CXorf66: variants seen among roughly 807,000 people sequenced by gnomAD.
The protein encoded by CXorf66 is chromosome X open reading frame 66.
Under a neutral mutation model 5.0 loss-of-function variants are expected in CXorf66, and 6 were observed. The observed-to-expected ratio is 1.20, with a 90% confidence interval of 0.65 to 2.36. CXorf66 has a LOEUF of 2.36. Ranked by LOEUF, CXorf66 falls within the 30% of genes most tolerant of loss-of-function variation. The probability of loss-of-function intolerance (pLI) is 0.00; values close to 1 mark genes in which losing one functional copy is unlikely to be tolerated. For synonymous variants in CXorf66, 98 were observed against 102.8 expected (o/e 0.95, Z 0.28); for missense variants, 270 against 254.9 (o/e 1.06, Z -0.40).
At chrX:139,963,133 C>T (rs1432133010) in intron 1 of CXorf66, among the ~76,000 whole-genome samples, 1 of 111,738 alleles carries the variant, frequency 8.9e-6, no homozygotes, top group Non-Finnish European at 1.9e-5. Flanking sequence ...TCTCTGTTTG[C>T]AGATGACATG....
Position 139,956,670 on chromosome X carries a change from T to C in CXorf66, c.312A>G (p.Gln104=), listed in dbSNP as rs201414835. The C allele has an allele frequency of 8.3e-6, 10 of 1,208,852 alleles. No homozygotes were observed. Among genetic ancestry groups the C allele is most frequent in the South Asian group, 1.8e-5 (1 of 56,777 alleles). ...GCATGGGTTGTGTTTCTGGACTGCA[T>C]TGAGAGGCTGTCTTGGCTTCACTGA... ...TSFSEAKTAS[Q]CSPETQPMLS... Residue 104 remains glutamine, a synonymous_variant, in exon 3 of 3, where the codon CAA becomes CAG. Coordinates refer to ENST00000370540, the MANE Select transcript of CXorf66 (RefSeq NM_001013403.3).
chrX:139,963,183 C>T (rs1415531913), intron 1 of CXorf66, among the ~76,000 whole-genome samples: 1 of 111,927 alleles, frequency 8.9e-6, no homozygotes, highest in Non-Finnish European at 1.9e-5. Context: ...AGCCCAAAAT[C>T]TCCTTAAGCT....
chrX:139,962,221 TA>T (rs1263704469), intron 1 of CXorf66, among the ~76,000 whole-genome samples: 3 of 110,459 alleles, frequency 2.7e-5, no homozygotes, highest in Non-Finnish European at 5.7e-5. Flanking sequence ...ATAGACACAA[TA>T]AAAAATAATA....
chrX:139,957,157 ACT>A (rs1319996618), intron 2 of CXorf66, among the ~76,000 whole-genome samples: 4 of 111,521 alleles, frequency 3.6e-5, no homozygotes, highest in Non-Finnish European at 1.9e-5. Flanking sequence ...ACAAAGTGAG[ACT>A]CTGTCTCAAA....
intron 1 of CXorf66, among the ~76,000 whole-genome samples, chrX:139,963,341 A>C (rs1455987513): frequency 9.0e-6 from 1 of 111,680 alleles, no homozygotes; most frequent in Non-Finnish European, 1.9e-5. Flanking sequence ...AATACCTAGG[A>C]ATACAACTTA....
In CXorf66 at chrX:139,956,431, T is replaced by C. The variant is rs2085573772; in HGVS notation, c.551A>G (p.Lys184Arg). 8.3e-7 allele frequency: 1 copy of C among 1,210,155 alleles called. No homozygotes were observed. The highest frequency in any genetic ancestry group is 1.1e-6 in the Non-Finnish European group (1 of 895,207). Residue 184 changes from lysine to arginine, a missense_variant, in exon 3 of 3, where the codon AAG becomes AGG. Physicochemically the swap from Lys to Arg is conservative, Grantham distance 26. Transcript: ENST00000370540. ...ACATAATTTTTCTAGGCTGCCTTTC[T>C]TATGTGCCTTTTCCAGGTGAGATGA... ...SKSSHLEKAH[K>R]KGSLEKLCKL... is the part of the protein sequence containing the mutation.
intron 1 of CXorf66, among the ~76,000 whole-genome samples, chrX:139,962,701 G>C (rs2085597549): frequency 9.0e-6 from 1 of 111,672 alleles, no homozygotes; most frequent in East Asian, 2.8e-4. Context: ...GAATCCAGCA[G>C]CACATCAAAC....
intron 1 of CXorf66, among the ~76,000 whole-genome samples, chrX:139,958,507 T>A (rs146718979): frequency 0.013 from 1,427 of 111,517 alleles, 30 homozygotes; most frequent in African/African-American, 0.045. Flanking sequence ...CTTGCATGTA[T>A]AAGTGTACTT....
chrX:139,957,476 G>A (rs1385336095), intron 2 of CXorf66, among the ~76,000 whole-genome samples: 7 of 111,277 alleles, frequency 6.3e-5, no homozygotes, highest in Admixed American at 3.8e-4. Flanking sequence ...AAAACTGTAG[G>A]AAAAGTCATT....
At chrX:139,962,563 C>T (rs1035401752) in intron 1 of CXorf66, among the ~76,000 whole-genome samples, 1 of 111,773 alleles carries the variant, frequency 8.9e-6, no homozygotes, top group Admixed American at 9.6e-5. Context: ...TCCTCCCTAA[C>T]TCGTTTTATG....
chrX:139,956,471 T>C lies in CXorf66; in HGVS notation c.511A>G (p.Lys171Glu), dbSNP rs368091334. The change falls in exon 3 of 3, where the codon AAA becomes GAA. Residue 171 changes from lysine (K) to glutamate (E), a missense_variant. Physicochemically the swap from Lys to Glu is moderately conservative, Grantham distance 56. Transcript: ENST00000370540. ...PKRSSKSSCS[K>E]KLSKSSHLEK... ...AGGTGAGATGACTTGCTTAATTTTT[T>C]TGAGCATGATGACTTGGATGACCTT... 4.1e-6 allele frequency: 5 copies of C among 1,210,436 alleles called. No individual in the cohort carries two copies. The African/African-American group carries it at 7.0e-5, about 17-fold the overall frequency.
At chrX:139,964,951 A>G (rs1350239618) in intron 1 of CXorf66, among the ~76,000 whole-genome samples, 3 of 110,937 alleles carry the variant, frequency 2.7e-5, no homozygotes, top group Non-Finnish European at 5.7e-5. Flanking sequence ...ATTAGGACAA[A>G]TACCTAATGC....
At chrX:139,961,290 G>GA (rs1382958839) in intron 1 of CXorf66, among the ~76,000 whole-genome samples, 3 of 111,438 alleles carry the variant, frequency 2.7e-5, no homozygotes, top group South Asian at 3.8e-4. Context: ...CCTAGCCTCT[G>GA]AAAAAACGGA....
intron 1 of CXorf66, among the ~76,000 whole-genome samples, chrX:139,962,809 C>A (rs2085598117): frequency 8.9e-6 from 1 of 111,824 alleles, no homozygotes; most frequent in Non-Finnish European, 1.9e-5. Context: ...TAAACAGAAC[C>A]AATTACAAAA....
intron 1 of CXorf66, among the ~76,000 whole-genome samples, chrX:139,963,518 C>T (rs1364167747): frequency 3.6e-5 from 4 of 112,030 alleles, no homozygotes; most frequent in Non-Finnish European, 5.6e-5. Context: ...ATGCTATTCC[C>T]ATCAAGCTAC....
chrX:139,960,118 C>A (rs754438244), intron 1 of CXorf66, among the ~76,000 whole-genome samples: 2 of 110,385 alleles, frequency 1.8e-5, no homozygotes, highest in African/African-American at 6.6e-5. Context: ...TGGGTAATAA[C>A]AAACTCCTCT....
intron 1 of CXorf66, among the ~76,000 whole-genome samples, chrX:139,963,641 C>CTGATCTTTGACAAACCTGACA (rs1569496477): frequency 2.9e-5 from 3 of 105,108 alleles, no homozygotes; most frequent in East Asian, 3.5e-4. Flanking sequence ...CTGGAGGCAT[C>CTGATCTTTGACAAACCTGACA]ACTCTACCTT....
At position 139,956,585 on chromosome X, in the gene CXorf66, T is replaced by C. The variant is rs2148217039; in HGVS notation, c.397A>G (p.Ser133Gly). ...SSPERASAQS[S>G]TEKLIRPSSL... The stretch of plus-strand genomic sequence containing the variant: ...GAGGGTCTGATTAATTTTTCTGTGC[T>C]GGATTGTGCGGATGCCCTTTCTGGA... The change falls in exon 3 of 3, where the codon AGC becomes GGC. Residue 133 changes from serine to glycine, a missense_variant. Physicochemically the swap from Ser to Gly is moderately conservative, Grantham distance 56. Coordinates refer to ENST00000370540, the MANE Select transcript of CXorf66 (RefSeq NM_001013403.3). The C allele has an allele frequency of 8.3e-7, 1 of 1,211,428 alleles. No individual in the cohort carries two copies. The highest frequency in any genetic ancestry group is 1.1e-6 in the Non-Finnish European group (1 of 895,375).
chrX:139,959,722 A>G (rs956890377), intron 1 of CXorf66, among the ~76,000 whole-genome samples: 5 of 112,011 alleles, frequency 4.5e-5, no homozygotes, highest in African/African-American at 1.3e-4. Context: ...CTTCCAGAGG[A>G]GGGAGCAGGC....
Sources: allele counts gnomAD v4.1 joint callset (sites outside exome capture counted in the v4.1 genomes callset), GRCh38; gene constraint gnomAD v4.1.1; transcripts MANE v1.5; gene names NCBI Gene and HGNC (gene_info 2026-07-23, HGNC 2026-07-21).